Variants in SLC68A1 observed in about 807,000 individuals in gnomAD.
SLC68A1 encodes solute carrier family 68 member 1.
At chr10:102,476,081 T>G in the SLC68A1 span, 1 of 1,294,332 alleles carries the variant, frequency 7.7e-7, no homozygotes, top group African/African-American at 1.5e-5. Flanking sequence ...CATAGTTTTT[T>G]TTTTTTTTTT....
chr10:102,471,764 A>G, the SLC68A1 span, among the ~76,000 whole-genome samples: 4 of 40,702 alleles, frequency 9.8e-5, no homozygotes, highest in Admixed American at 7.7e-4. Flanking sequence ...TTCTCAAAGA[A>G]AAAAAAAAAA....
At chr10:102,476,071 CAT>C in the SLC68A1 span, 43 of 1,203,204 alleles carry the variant, frequency 3.6e-5, no homozygotes, top group Non-Finnish European at 4.2e-5. Context: ...TTAAGGATTT[CAT>C]AGTTTTTTTT....
At chr10:102,470,877 C>T in the SLC68A1 span, 1 of 1,613,246 alleles carries the variant, frequency 6.2e-7, no homozygotes, top group Non-Finnish European at 8.5e-7. Flanking sequence ...CTGGCCCTCT[C>T]AGCCCACGAC....
At chr10:102,466,730 C>A in the SLC68A1 span, among the ~76,000 whole-genome samples, 1 of 152,154 alleles carries the variant, frequency 6.6e-6, no homozygotes, top group Admixed American at 6.5e-5. Context: ...GTTCAGGGCT[C>A]ACCTTCTCCA....
the SLC68A1 span, chr10:102,468,683 C>A: frequency 1.1e-5 from 2 of 187,704 alleles, no homozygotes; most frequent in Non-Finnish European, 2.2e-5. Flanking sequence ...AAAAAAAAGA[C>A]ATCGAGCATC....
the SLC68A1 span, among the ~76,000 whole-genome samples, chr10:102,475,397 C>G: frequency 6.6e-6 from 1 of 151,678 alleles, no homozygotes; most frequent in African/African-American, 2.4e-5. Flanking sequence ...TGGCAGAGGC[C>G]GTGGAGACTT....
chr10:102,476,213 G>A, the SLC68A1 span: 8 of 674,746 alleles, frequency 1.2e-5, no homozygotes, highest in Non-Finnish European at 1.3e-5. Flanking sequence ...GATTATAGGA[G>A]CGTGCCACCA....
chr10:102,469,295 C>A, the SLC68A1 span: 2 of 1,247,498 alleles, frequency 1.6e-6, no homozygotes, highest in East Asian at 4.7e-5. Context: ...CTGGTCCCAC[C>A]CAGTCAGAGG....
the SLC68A1 span, chr10:102,475,753 C>A: frequency 6.2e-7 from 1 of 1,612,534 alleles, no homozygotes; most frequent in Non-Finnish European, 8.5e-7. Context: ...CCCTCATAAC[C>A]CCTGTGGGGA....
the SLC68A1 span, chr10:102,471,063 G>A: frequency 7.7e-5 from 125 of 1,613,864 alleles, no homozygotes; most frequent in East Asian, 2.9e-4. Flanking sequence ...CTGAGGCGGC[G>A]GGTTGAGGCG....
At chr10:102,467,458 A>G in the SLC68A1 span, among the ~76,000 whole-genome samples, 7 of 152,242 alleles carry the variant, frequency 4.6e-5, no homozygotes, top group Admixed American at 6.5e-5. Context: ...GGTAAAACTT[A>G]TCAGCTTGCA....
the SLC68A1 span, chr10:102,472,242 G>T: frequency 7.0e-6 from 2 of 286,246 alleles, no homozygotes; most frequent in Non-Finnish European, 1.4e-5. Context: ...CTGTTTTCAT[G>T]TTATGAAATT....
chr10:102,466,003 C>T, the SLC68A1 span: 1 of 152,146 alleles, frequency 6.6e-6, no homozygotes, highest in Non-Finnish European at 1.5e-5. Context: ...CTGACTTTTC[C>T]TCGTGTGACC....
At chr10:102,470,293 C>CTGGCT in the SLC68A1 span, among the ~76,000 whole-genome samples, 1 of 152,116 alleles carries the variant, frequency 6.6e-6, no homozygotes, top group East Asian at 1.9e-4. Flanking sequence ...GAGATCTACC[C>CTGGCT]TGGCTTGGCT....
At chr10:102,475,950 C>T in the SLC68A1 span, 1 of 1,612,496 alleles carries the variant, frequency 6.2e-7, no homozygotes, top group Non-Finnish European at 8.5e-7. Flanking sequence ...CAGAACCTGT[C>T]ACAGGCCCAA....
chr10:102,474,422 TAGTATTATC>T, the SLC68A1 span, among the ~76,000 whole-genome samples: 1 of 152,008 alleles, frequency 6.6e-6, no homozygotes, highest in Admixed American at 6.6e-5. Context: ...AGAAGCTATG[TAGTATTATC>T]AGGGAAGGCC....
At chr10:102,472,035 C>T in the SLC68A1 span, 95 of 455,284 alleles carry the variant, frequency 2.1e-4, no homozygotes, top group African/African-American at 1.6e-3. Flanking sequence ...CAGTGGCTCA[C>T]GCCTGTAATC....
chr10:102,476,967 G>C, the SLC68A1 span: 1 of 985,966 alleles, frequency 1.0e-6, no homozygotes, highest in Non-Finnish European at 1.2e-6. Context: ...CTGCTGCAGG[G>C]CTCCCCCACC....
chr10:102,473,957 G>T, the SLC68A1 span: 1 of 1,612,498 alleles, frequency 6.2e-7, no homozygotes, highest in African/African-American at 1.3e-5. Flanking sequence ...TGGTGACCAA[G>T]CCAGGCCAGA....
Sources: allele counts gnomAD v4.1 joint callset (sites outside exome capture counted in the v4.1 genomes callset), GRCh38; gene constraint gnomAD v4.1.1; transcripts MANE v1.5; gene names NCBI Gene and HGNC (gene_info 2026-07-23, HGNC 2026-07-21).